Variants in HS2ST1 observed in about 807,000 individuals in gnomAD.
HS2ST1 encodes heparan sulfate 2-O-sulfotransferase 1, also known as 2-O-sulfotransferase.
In HS2ST1, 18 loss-of-function variants were observed where a neutral mutation model predicts 42.9. The ratio of observed to expected loss-of-function variants is 0.42; its 90% confidence interval spans 0.29 to 0.62. The LOEUF (loss-of-function observed/expected upper bound fraction) is 0.62, where lower values mean the gene tolerates loss of function less well. Ranked by LOEUF, HS2ST1 falls within the 20% of genes least tolerant of loss-of-function variation. The probability of loss-of-function intolerance (pLI) is 0.21; values close to 1 mark genes in which losing one functional copy is unlikely to be tolerated. For missense variants in HS2ST1, 334 were observed against 433.8 expected, an observed-to-expected ratio of 0.77 and a Z score of 2.04; for synonymous variants, 146 against 152.9, an observed-to-expected ratio of 0.95 and a Z score of 0.33.
intron 3 of HS2ST1, among the ~76,000 whole-genome samples, chr1:87,091,532 A>G (rs1651943297): frequency 6.6e-6 from 1 of 151,986 alleles, no homozygotes; most frequent in Non-Finnish European, 1.5e-5. Flanking sequence ...ATCCTTTGAG[A>G]ATTGGTATGG....
Position 86,954,032 on chromosome 1 carries a change from G to GT in HS2ST1, c.124+38880dup, listed in dbSNP as rs544817279. ...TGCAATAGTAATAACAAACATCACTGTTTTTTTTAAAAAAAAAAAAAAAAA... is the reference window on the plus strand; with the variant it reads ...TGCAATAGTAATAACAAACATCACTGTTTTTTTTTAAAAAAAAAAAAAAAAA... On this transcript the variant is annotated intron_variant, in intron 1 of 6. Transcript: ENST00000370550. Among the ~76,000 whole-genome samples the GT allele has an allele frequency of 8.6e-3, 505 of 58,436 alleles. 17 individuals carry two copies. Among genetic ancestry groups the GT allele is most frequent in the Middle Eastern group, 0.012 (1 of 84 alleles). The allele number at this position is 58,436 out of a possible 152,430, so 38.3% of individuals were successfully genotyped here. A position where few individuals can be genotyped will look rare whatever the true frequency, so the allele number is the denominator to read the frequency against.
chr1:87,057,484 A>T (rs1650999200), intron 1 of HS2ST1, among the ~76,000 whole-genome samples: 1 of 150,996 alleles, frequency 6.6e-6, no homozygotes, highest in African/African-American at 2.4e-5. Context: ...GCCTATATGC[A>T]CTCTACAGTG....
chr1:87,080,361 G>T (rs1651653736), intron 2 of HS2ST1, among the ~76,000 whole-genome samples: 1 of 152,194 alleles, frequency 6.6e-6, no homozygotes, highest in Admixed American at 6.5e-5. Flanking sequence ...AAACAATTGA[G>T]AGAGTTATAT....
chr1:86,986,405 C>A (rs1481014995), intron 1 of HS2ST1, among the ~76,000 whole-genome samples: 1 of 152,134 alleles, frequency 6.6e-6, no homozygotes, highest in Non-Finnish European at 1.5e-5. Context: ...AGCCAGTCTT[C>A]CGATTCTCTC....
At chr1:86,919,761 T>A (rs1013356538) in intron 1 of HS2ST1, among the ~76,000 whole-genome samples, 7 of 152,042 alleles carry the variant, frequency 4.6e-5, no homozygotes, top group African/African-American at 1.7e-4. Context: ...TTTAGTGGAC[T>A]TTTTTTTGTT....
chr1:87,056,830 T>C (rs1385354370), intron 1 of HS2ST1, among the ~76,000 whole-genome samples: 2 of 152,242 alleles, frequency 1.3e-5, no homozygotes, highest in Non-Finnish European at 2.9e-5. Flanking sequence ...TTCACTGATA[T>C]GAACTTGAAT....
chr1:87,038,554 A>G (rs1394308474), intron 1 of HS2ST1, among the ~76,000 whole-genome samples: 1 of 152,188 alleles, frequency 6.6e-6, no homozygotes, highest in Non-Finnish European at 1.5e-5. Context: ...AAGTCCTGCA[A>G]AAATTAGAAT....
At chr1:87,017,575 A>C (rs890529514) in intron 1 of HS2ST1, among the ~76,000 whole-genome samples, 1 of 152,226 alleles carries the variant, frequency 6.6e-6, no homozygotes, top group Non-Finnish European at 1.5e-5. Context: ...ATAGTAAGAG[A>C]AGACAGCGGG....
intron 5 of HS2ST1, 48 bp from the exon 6 acceptor site, chr1:87,103,384 C>G (rs749543560): frequency 7.8e-6 from 12 of 1,531,030 alleles, no homozygotes; most frequent in Non-Finnish European, 3.5e-6. Context: ...ACCAGAAACA[C>G]TCAGCAGATT....
chr1:87,086,162 C>G (rs1003944983), intron 3 of HS2ST1, among the ~76,000 whole-genome samples: 1 of 152,088 alleles, frequency 6.6e-6, no homozygotes, highest in African/African-American at 2.4e-5. Flanking sequence ...AAAGAAACAT[C>G]GCCTTACCAA....
At chr1:86,981,966 C>G (rs1557503236) in intron 1 of HS2ST1, among the ~76,000 whole-genome samples, 1 of 152,246 alleles carries the variant, frequency 6.6e-6, no homozygotes, top group Non-Finnish European at 1.5e-5. Flanking sequence ...ACACTTCTGC[C>G]TGGCCATCCA....
chr1:86,963,744 G>GCCCCCCC (rs370405012), intron 1 of HS2ST1, among the ~76,000 whole-genome samples: 3 of 127,266 alleles, frequency 2.4e-5, no homozygotes, highest in African/African-American at 6.1e-5. Flanking sequence ...AGGCAGAGGC[G>GCCCCCCC]CCCCCCCCCC....
At chr1:86,916,200 A>G (rs769859378) in intron 1 of HS2ST1, among the ~76,000 whole-genome samples, 1 of 152,236 alleles carries the variant, frequency 6.6e-6, no homozygotes, top group Non-Finnish European at 1.5e-5. Context: ...TGATTTAAAA[A>G]TGTACATGGC....
At chr1:86,956,426 A>G (rs1352533588) in intron 1 of HS2ST1, 1 of 152,216 alleles carries the variant, frequency 6.6e-6, no homozygotes, top group Non-Finnish European at 1.5e-5. Flanking sequence ...AAAACAGAGC[A>G]TGGCCTAGAT....
intron 3 of HS2ST1, among the ~76,000 whole-genome samples, chr1:87,089,213 A>T (rs550216240): frequency 1.3e-5 from 2 of 151,954 alleles, no homozygotes; most frequent in African/African-American, 4.8e-5. Context: ...ATGTAATTGT[A>T]AAAAAATGAG....
rs556044221 is a variant in HS2ST1 at position 87,020,797 on chromosome 1, C to T, written c.125-52137C>T. ...AGGACATAATTACCTCTTTAAAGAC[C>T]TTGTCTTTAAATACAGTTACATTCA... On this transcript the variant is annotated intron_variant, in intron 1 of 6. Transcript: ENST00000370550. Among the ~76,000 whole-genome samples the T allele has an allele frequency of 2.6e-5, 4 of 152,216 alleles. No homozygotes were observed. The South Asian group carries it at 8.3e-4, about 32-fold the overall frequency.
intron 1 of HS2ST1, among the ~76,000 whole-genome samples, chr1:86,927,919 A>G (rs1010646355): frequency 6.6e-6 from 1 of 152,088 alleles, no homozygotes; most frequent in African/African-American, 2.4e-5. Context: ...CTGCTGCTTA[A>G]GTTGGTAGTC....
intron 1 of HS2ST1, among the ~76,000 whole-genome samples, chr1:87,064,975 A>G (rs1557533562): frequency 6.6e-6 from 1 of 152,196 alleles, no homozygotes; most frequent in Non-Finnish European, 1.5e-5. Flanking sequence ...CCAGGCTAAC[A>G]ATACTCTTAA....
At chr1:87,098,381 T>A (rs1304272582) in intron 5 of HS2ST1, 17 of 913,182 alleles carry the variant, frequency 1.9e-5, no homozygotes, top group Non-Finnish European at 2.1e-5. Flanking sequence ...GGCTGTGGTT[T>A]AGTTTGCTAG....
Sources: allele counts gnomAD v4.1 joint callset (sites outside exome capture counted in the v4.1 genomes callset), GRCh38; gene constraint gnomAD v4.1.1; transcripts MANE v1.5; gene names NCBI Gene and HGNC (gene_info 2026-07-23, HGNC 2026-07-21).